GRAMD2B: variants seen among roughly 807,000 people sequenced by gnomAD.
GRAMD2B encodes GRAM domain-containing protein 2B.
GRAMD2B carries 41 observed loss-of-function variants against 59.2 expected under a neutral mutation model. The observed-to-expected ratio is 0.69, with a 90% CI of 0.54 to 0.90. The LOEUF is 0.90. Ranked by LOEUF, GRAMD2B falls within the 40% of genes least tolerant of loss-of-function variation. The probability of loss-of-function intolerance (pLI) is 0.00; values close to 1 mark genes in which losing one functional copy is unlikely to be tolerated. For missense variants in GRAMD2B, 424 were observed against 500.5 expected, an observed-to-expected ratio of 0.85 and a Z score of 1.46; for synonymous variants, 161 against 182.7, an observed-to-expected ratio of 0.88 and a Z score of 0.96.
intron 1 of GRAMD2B, among the ~76,000 whole-genome samples, chr5:126,398,475 C>T (rs1757559128): frequency 6.6e-6 from 1 of 152,056 alleles, no homozygotes; most frequent in Non-Finnish European, 1.5e-5. Flanking sequence ...AATGTCTCCT[C>T]TTCCAATTCT....
chr5:126,423,206 C>T (rs1162503378), upstream of GRAMD2B: 8 of 1,016,638 alleles, frequency 7.9e-6, no homozygotes, highest in Non-Finnish European at 9.4e-6. Context: ...AAACAAAAAG[C>T]TTAATTTACC....
chr5:126,369,270 TTGAATGAATGAATGAA>T (rs33935788), upstream of GRAMD2B, among the ~76,000 whole-genome samples: 4 of 151,508 alleles, frequency 2.6e-5, no homozygotes, highest in Non-Finnish European at 5.9e-5. Context: ...TAAATACTTG[TTGAATGAATGAATGAA>T]TGAATGAATG....
At position 126,412,220 on chromosome 5, in the gene GRAMD2B, G is replaced by A. The variant is rs1017720538; in HGVS notation, c.125+40653G>A. On this transcript the variant is annotated intron_variant, in intron 1 of 8. Transcript: ENST00000506445. Reference sequence around the variant, plus strand: ...GGGAAAATGCTTTCAGTTTTTGCCTGTTCAATCTGATGTTGGCTGTGGCTT... The same window carrying A: ...GGGAAAATGCTTTCAGTTTTTGCCTATTCAATCTGATGTTGGCTGTGGCTT... Among the ~76,000 whole-genome samples, 6 of 152,030 alleles carry A rather than the reference G, an allele frequency of 3.9e-5. No homozygotes were observed. In the South Asian group the frequency reaches 1.2e-3, roughly 32 times the overall value.
intron 2 of GRAMD2B, 132 bp from the exon 3 acceptor site, chr5:126,469,545 G>T: frequency 4.7e-6 from 3 of 643,476 alleles, no homozygotes; most frequent in Non-Finnish European, 8.3e-6. Flanking sequence ...TGAGGTGGGA[G>T]GATCGCTTGA....
intron 1 of GRAMD2B, among the ~76,000 whole-genome samples, chr5:126,442,322 A>C: frequency 7.1e-6 from 1 of 141,400 alleles, no homozygotes; most frequent in African/African-American, 2.7e-5. Flanking sequence ...ATGGAGTCTC[A>C]CTCTGCCACC....
In GRAMD2B at chr5:126,446,062, C is replaced by T. The variant is rs544988908; in HGVS notation, c.84-19364C>T. 1.9e-4 allele frequency among the ~76,000 whole-genome samples: 29 copies of T among 152,328 alleles called. 1 individual carries two copies. Among genetic ancestry groups the T allele is most frequent in the African/African-American group, 7.0e-4 (29 of 41,568 alleles). On this transcript the variant is annotated intron_variant, in intron 1 of 13. Coordinates refer to ENST00000285689, the MANE Select transcript of GRAMD2B (RefSeq NM_023927.4). ...ACAGTGTGCCTAGAGATGCTTTAGT[C>T]CACTCCAATCCTAAATACTACTACA...
intron 8 of GRAMD2B, among the ~76,000 whole-genome samples, chr5:126,481,738 C>T (rs1247360042): frequency 1.3e-5 from 2 of 152,012 alleles, no homozygotes; most frequent in African/African-American, 2.4e-5. Context: ...GAGGCCGAGG[C>T]GGGTGGATCA....
chr5:126,404,356 C>T (rs763866081), intron 1 of GRAMD2B, among the ~76,000 whole-genome samples: 3 of 151,810 alleles, frequency 2.0e-5, no homozygotes, highest in Non-Finnish European at 4.4e-5. Context: ...GTAAAAAGCA[C>T]ATATTAGGAT....
At chr5:126,407,414 G>A (rs10079053) in intron 1 of GRAMD2B, among the ~76,000 whole-genome samples, 9,627 of 151,832 alleles carry the variant, frequency 0.063, 378 homozygotes, top group African/African-American at 0.11. Context: ...ATTCCACCAG[G>A]GTTCATATTG....
At chr5:126,380,260 G>A (rs1580708644) in intron 1 of GRAMD2B, among the ~76,000 whole-genome samples, 1 of 152,198 alleles carries the variant, frequency 6.6e-6, no homozygotes, top group East Asian at 1.9e-4. Context: ...TGCTCCATTG[G>A]TCTATGTGCC....
intron 1 of GRAMD2B, among the ~76,000 whole-genome samples, chr5:126,379,268 G>GTA (rs1483267604): frequency 6.6e-6 from 1 of 152,008 alleles, no homozygotes; most frequent in Non-Finnish European, 1.5e-5. Context: ...GTATCCCATG[G>GTA]TATATATATA....
At chr5:126,370,065 C>A (rs1754665795), upstream of GRAMD2B, among the ~76,000 whole-genome samples, 2 of 152,170 alleles carry the variant, frequency 1.3e-5, no homozygotes, top group South Asian at 4.2e-4. Context: ...GGCGGTGCAC[C>A]TTCAGAACTG....
At chr5:126,410,599 T>A (rs62391847) in intron 1 of GRAMD2B, among the ~76,000 whole-genome samples, 1 of 152,084 alleles carries the variant, frequency 6.6e-6, no homozygotes, top group Non-Finnish European at 1.5e-5. Context: ...GCTGAAACAA[T>A]GGGGTTTTCT....
At chr5:126,469,656 C>A (rs1464679844) in intron 2 of GRAMD2B, 21 bp from the exon 3 acceptor site, 3 of 1,527,582 alleles carry the variant, frequency 2.0e-6, no homozygotes. Flanking sequence ...CTTATAGACA[C>A]CCTGGACTTT....
intron 1 of GRAMD2B, among the ~76,000 whole-genome samples, chr5:126,436,632 C>G (rs567506714): frequency 1.3e-5 from 2 of 152,110 alleles, no homozygotes; most frequent in Non-Finnish European, 2.9e-5. Flanking sequence ...AGCCTGAGGA[C>G]CCTGTCTCTT....
chr5:126,432,607 T>C (rs1761755836), intron 1 of GRAMD2B, among the ~76,000 whole-genome samples: 1 of 152,178 alleles, frequency 6.6e-6, no homozygotes, highest in South Asian at 2.1e-4. Context: ...ATTAGATCTA[T>C]TTAATCCTTA....
At chr5:126,370,836 C>T (rs912796352), upstream of GRAMD2B, among the ~76,000 whole-genome samples, 1 of 152,178 alleles carries the variant, frequency 6.6e-6, no homozygotes, top group Non-Finnish European at 1.5e-5. Context: ...AATATGCAAC[C>T]TGAATATTGA....
chr5:126,452,378 T>C (rs1341351485), intron 1 of GRAMD2B, among the ~76,000 whole-genome samples: 1 of 152,144 alleles, frequency 6.6e-6, no homozygotes, highest in African/African-American at 2.4e-5. Flanking sequence ...ACCTCGGGGG[T>C]TAGAATTTCA....
At chr5:126,445,387 A>G (rs919831515) in intron 1 of GRAMD2B, 14 of 152,150 alleles carry the variant, frequency 9.2e-5, no homozygotes, top group African/African-American at 3.4e-4. Context: ...AATAATCGCC[A>G]TTCACTGGTG....
Sources: allele counts gnomAD v4.1 joint callset (sites outside exome capture counted in the v4.1 genomes callset), GRCh38; gene constraint gnomAD v4.1.1; transcripts MANE v1.5; gene names NCBI Gene and HGNC (gene_info 2026-07-23, HGNC 2026-07-21).